The following PRDM11 variants were observed in gnomAD, a reference collection of about 807,000 sequenced individuals.
The protein encoded by PRDM11 is PR domain-containing protein 11.
In PRDM11, 20 loss-of-function variants were observed where a neutral mutation model predicts 97.8. The observed-to-expected ratio is 0.20, with a 90% CI of 0.14 to 0.30. The LOEUF (loss-of-function observed/expected upper bound fraction) is 0.30, where lower values mean the gene tolerates loss of function less well. PRDM11 is among the 10% of genes least tolerant of loss of function. The pLI is 1.00. For synonymous variants in PRDM11, 599 were observed against 637.7 expected, an observed-to-expected ratio of 0.94 and a Z score of 0.91; for missense variants, 1,139 against 1,555.2, an observed-to-expected ratio of 0.73 and a Z score of 4.50.
Position 45,227,243 on chromosome 11 carries a change from T to C in PRDM11, c.2618T>C (p.Met873Thr), listed in dbSNP as rs1273511770. The C allele has an allele frequency of 2.0e-6, 3 of 1,533,976 alleles. No individual in the cohort carries two copies. The highest frequency in any genetic ancestry group is 1.2e-5 in the South Asian group (1 of 83,968). ...AIALALLQFL[M>T]DYQSIKLIYF... is the part of the protein sequence containing the mutation. ...GCACTGGCCCTGCTGCAGTTCCTCA[T>C]GGACTACCAGTCCATCAAGCTCATC... Residue 873 changes from methionine (M) to threonine (T), a missense_variant, in exon 8 of 8, where the codon ATG becomes ACG. This residue lies in a region of PRDM11 where 710 missense variants were observed against 1,044.9 expected (regional missense o/e 0.68). Coordinates refer to ENST00000683152, the MANE Select transcript of PRDM11 (RefSeq NM_001384648.1). This position sits in a 1 kb window ranked among gnomAD's most constrained non-coding sequence, Gnocchi z 8.0.
At chr11:45,116,891 T>C (rs1852314334) in intron 1 of PRDM11, among the ~76,000 whole-genome samples, 1 of 151,976 alleles carries the variant, frequency 6.6e-6, no homozygotes, top group Non-Finnish European at 1.5e-5. Context: ...TACTCACAAA[T>C]TGATGAGCTG....
At chr11:45,110,655 C>T (rs941650687) in intron 1 of PRDM11, among the ~76,000 whole-genome samples, 7 of 152,230 alleles carry the variant, frequency 4.6e-5, no homozygotes, top group Non-Finnish European at 8.8e-5. Context: ...TCAGGAGTGT[C>T]CTGGACCGGT....
chr11:45,203,623 A>ATTT lies in PRDM11; in HGVS notation c.487-1075_487-1073dup, dbSNP rs3052176. Among the ~76,000 whole-genome samples the ATTT allele has an allele frequency of 2.7e-3, 387 of 143,970 alleles. 4 individuals carry two copies. The highest frequency in any genetic ancestry group is 2.9e-3 in the South Asian group (13 of 4,554). 94.4% of individuals were successfully genotyped at this position (143,970 alleles called of 152,430 possible). On this transcript the variant is annotated intron_variant, in intron 4 of 7. Transcript: ENST00000683152. ...AAGGATATATTGAGCTACTCCCATA[A>ATTT]TTTTTTTTTTTTTTTGAGATGGAGT...
intron 1 of PRDM11, among the ~76,000 whole-genome samples, chr11:45,112,808 G>A (rs1172604523): frequency 3.3e-5 from 5 of 151,540 alleles, no homozygotes; most frequent in Non-Finnish European, 7.4e-5. Flanking sequence ...GTGTGTGTGT[G>A]TGTTTCTTGC....
chr11:45,180,556 G>T (rs1168814385), intron 1 of PRDM11, among the ~76,000 whole-genome samples: 1 of 151,544 alleles, frequency 6.6e-6, no homozygotes, highest in Non-Finnish European at 1.5e-5. Context: ...CGCCCCGCCC[G>T]GGCGCCCGCT....
At chr11:45,182,575 C>G (rs1276671429) in intron 3 of PRDM11, among the ~76,000 whole-genome samples, 1 of 152,216 alleles carries the variant, frequency 6.6e-6, no homozygotes. Flanking sequence ...TATCCCACGC[C>G]TCGAGTCCTC....
chr11:45,135,095 C>A (rs1852812352), intron 1 of PRDM11, among the ~76,000 whole-genome samples: 1 of 151,888 alleles, frequency 6.6e-6, no homozygotes, highest in Admixed American at 6.6e-5. Context: ...AGTGAGACCC[C>A]ATCTCTAAAA....
intron 5 of PRDM11, among the ~76,000 whole-genome samples, chr11:45,208,082 C>T (rs1853579672): frequency 1.3e-5 from 2 of 152,184 alleles, no homozygotes; most frequent in African/African-American, 4.8e-5. Flanking sequence ...GAGAGGGAAT[C>T]CCAGGTCCCC....
chr11:45,226,945 A>G lies in PRDM11; in HGVS notation c.2320A>G (p.Ser774Gly). 3 of 1,533,936 alleles carry G rather than the reference A, an allele frequency of 2.0e-6. No homozygotes were observed. Among genetic ancestry groups the G allele is most frequent in the Non-Finnish European group, 2.6e-6 (3 of 1,146,716 alleles). ...CCACCTGGAGATCCTGGATGCCATCAGCGGGAAGGAGCTCCCATGCCTGGA... is the reference window on the plus strand; with the variant it reads ...CCACCTGGAGATCCTGGATGCCATCGGCGGGAAGGAGCTCCCATGCCTGGA... ...RPHLEILDAISGKELPCLEEL... is the reference protein window; with the variant it reads ...RPHLEILDAIGGKELPCLEEL... The change falls in exon 8 of 8, where the codon AGC (serine) becomes GGC (glycine). Residue 774 changes from serine to glycine, a missense_variant. By Grantham distance (56) the Ser-to-Gly change is moderately conservative. Coordinates refer to ENST00000683152, the MANE Select transcript of PRDM11 (RefSeq NM_001384648.1).
chr11:45,095,957 T>TACC, intron 1 of PRDM11: 2 of 760,036 alleles, frequency 2.6e-6, no homozygotes, highest in Non-Finnish European at 4.9e-6. Flanking sequence ...CACTTGCTAC[T>TACC]ACCTCTCCCT....
chr11:45,095,974 C>G, intron 1 of PRDM11: 1 of 739,220 alleles, frequency 1.4e-6, no homozygotes, highest in Middle Eastern at 2.3e-4. Context: ...CCCTGGAATA[C>G]TCTTCCTCCA....
At chr11:45,220,376 C>T (rs1331934909) in intron 6 of PRDM11, among the ~76,000 whole-genome samples, 1 of 152,176 alleles carries the variant, frequency 6.6e-6, no homozygotes, top group African/African-American at 2.4e-5. Flanking sequence ...GTCAGTGCAC[C>T]CTGAGAAGTA....
rs1191008824 is a variant in PRDM11, at chr11:45,134,701, G to GAAAAAA, written c.96+38820_96+38825dup. Among the ~76,000 whole-genome samples, 227 of 44,290 alleles carry GAAAAAA rather than the reference G, an allele frequency of 5.1e-3. 8 individuals carry two copies. Among genetic ancestry groups the GAAAAAA allele is most frequent in the South Asian group, 0.011 (8 of 722 alleles). The allele number at this position is 44,290 out of a possible 152,430, so 29.1% of individuals were successfully genotyped here. A position where few individuals can be genotyped will look rare whatever the true frequency, so the allele number is the denominator to read the frequency against. On this transcript the variant is annotated intron_variant, in intron 1 of 6. Coordinates refer to the PRDM11 transcript ENST00000530656. ...GCAACAGAGTGAGACCCTGTCTCAC[G>GAAAAAA]AAAAAAAAAAAAAAAAAAAAAAAAA...
intron 4 of PRDM11, among the ~76,000 whole-genome samples, chr11:45,197,887 G>A (rs1853185477): frequency 6.6e-6 from 1 of 152,080 alleles, no homozygotes; most frequent in Non-Finnish European, 1.5e-5. Context: ...GCGGGGAAGG[G>A]GGAGGGATAG....
intron 1 of PRDM11, among the ~76,000 whole-genome samples, chr11:45,134,508 G>C (rs1320835044): frequency 3.3e-5 from 5 of 151,672 alleles, no homozygotes; most frequent in Non-Finnish European, 7.4e-5. Context: ...AGACCAGCCT[G>C]GGCAACACAG....
chr11:45,178,288 G>A (rs913187689), intron 1 of PRDM11, among the ~76,000 whole-genome samples: 1 of 152,066 alleles, frequency 6.6e-6, no homozygotes, highest in African/African-American at 2.4e-5. Context: ...GCAAGTATCA[G>A]TATTTCCATT....
intron 1 of PRDM11, among the ~76,000 whole-genome samples, chr11:45,125,916 ATCTG>A (rs1852558957): frequency 6.6e-6 from 1 of 152,158 alleles, no homozygotes; most frequent in Non-Finnish European, 1.5e-5. Context: ...TGTCTTGTTG[ATCTG>A]TCTAATGTTG....
In PRDM11 at chr11:45,158,466, A is replaced by T. The variant is rs538124351; in HGVS notation, c.-7+11589A>T. ...GGAGTCCAGCTGCCTGGGGTCCTAC[A>T]GAACGGGGCTGGGCAGGCATTCTTC... On this transcript the variant is annotated intron_variant, in intron 1 of 7. Transcript: ENST00000683152. Among the ~76,000 whole-genome samples the T allele has an allele frequency of 2.6e-5, 4 of 152,322 alleles. No individual in the cohort carries two copies. The South Asian group carries it at 8.3e-4, about 32-fold the overall frequency.
chr11:45,157,754 G>A (rs867597213), intron 1 of PRDM11, among the ~76,000 whole-genome samples: 2 of 152,230 alleles, frequency 1.3e-5, no homozygotes, highest in South Asian at 2.1e-4. Flanking sequence ...CTGGGGTCAT[G>A]GGCTGGCCAT....
Sources: gnomAD v4.1 joint callset for allele counts (sites outside exome capture counted in the v4.1 genomes callset) on GRCh38, gnomAD v4.1.1 for gene constraint, gnomAD v4.1.1 regional missense constraint, Gnocchi (gnomAD v3.1) non-coding constraint, MANE v1.5 for transcripts, NCBI Gene and HGNC (gene_info 2026-07-23, HGNC 2026-07-21) for gene names.